The following RBPMS2 variants were observed in gnomAD, a reference collection of about 807,000 sequenced individuals.
RBPMS2 encodes the protein RNA-binding protein with multiple splicing 2.
Under a neutral mutation model 25.7 loss-of-function variants are expected in RBPMS2, and 14 were observed. That is an observed-to-expected ratio of 0.55 (90% CI 0.36 to 0.85). RBPMS2 has a LOEUF of 0.85. RBPMS2 is among the 40% of genes least tolerant of loss of function. The pLI, the probability that RBPMS2 is intolerant of heterozygous loss-of-function variation, is 0.01. For synonymous variants in RBPMS2, 127 were observed against 115.6 expected, an observed-to-expected ratio of 1.10 and a Z score of -0.63; for missense variants, 252 against 283.4, an observed-to-expected ratio of 0.89 and a Z score of 0.80.
rs2083548453 is a variant in RBPMS2 at position 64,740,351 on chromosome 15, G to C, written c.*657C>G. On this transcript the variant is annotated 3_prime_UTR_variant, in exon 8 of 8. Transcript: ENST00000300069. ...GCGCTGTGGAGAGGTGAACAGAACG[G>C]GCAGAGAGGGCTTTCTTACGACTGT... 6.6e-6 allele frequency: 1 copy of C among 152,230 alleles called. No individual in the cohort carries two copies. The highest frequency in any genetic ancestry group is 2.4e-5 in the African/African-American group (1 of 41,428). The allele number at this position is 152,230 out of a possible 1,614,324, so 9.4% of individuals were successfully genotyped here. A position where few individuals can be genotyped will look rare whatever the true frequency, so the allele number is the denominator to read the frequency against.
At chr15:64,749,713 G>C (rs968232961) in intron 3 of RBPMS2, among the ~76,000 whole-genome samples, 4 of 152,106 alleles carry the variant, frequency 2.6e-5, no homozygotes, top group Non-Finnish European at 5.9e-5. Flanking sequence ...TCCCTCCCCA[G>C]GAATATCCTG....
intron 1 of RBPMS2, among the ~76,000 whole-genome samples, chr15:64,771,258 A>G (rs1321878629): frequency 6.6e-6 from 1 of 152,236 alleles, no homozygotes; most frequent in Non-Finnish European, 1.5e-5. Context: ...GGTTTTTAAA[A>G]ATTACTATAA....
Position 64,748,403 on chromosome 15 carries a change from A to T in RBPMS2, c.567+16T>A. ...GAGCCCTTGTTCTTCGCCCTCCCCA[A>T]CCTTAAAGGGCTTACCTGAGCGTGG... On this transcript the variant is annotated intron_variant, in intron 6 of 7. Transcript: ENST00000300069. 1.9e-6 allele frequency: 3 copies of T among 1,612,648 alleles called. No homozygotes were observed. Among genetic ancestry groups the T allele is most frequent in the Non-Finnish European group, 2.5e-6 (3 of 1,179,438 alleles).
intron 6 of RBPMS2, among the ~76,000 whole-genome samples, chr15:64,746,285 G>A (rs72744729): frequency 0.048 from 7,325 of 152,080 alleles, 226 homozygotes; most frequent in South Asian, 0.088. Flanking sequence ...CCCAGTCCCC[G>A]TCCAAGGAAG....
At position 64,774,881 on chromosome 15, in the gene RBPMS2, A is replaced by C. The variant is rs893748969; in HGVS notation, c.87+352T>G. On this transcript the variant is annotated intron_variant, in intron 1 of 7. Transcript: ENST00000300069. ...TGGCCACGCAGGAGGTGCGCCTCGG[A>C]GGAGGGCGGCGAGCGGCTACGGGGT... 4.6e-5 allele frequency among the ~76,000 whole-genome samples: 7 copies of C among 151,444 alleles called. No individual in the cohort carries two copies. The East Asian group carries it at 1.4e-3, about 30-fold the overall frequency.
At chr15:64,741,342 C>A in intron 6 of RBPMS2, 100 bp from the exon 7 acceptor site, 1 of 904,172 alleles carries the variant, frequency 1.1e-6, no homozygotes, top group South Asian at 1.5e-5. Flanking sequence ...AGTCCTGGTT[C>A]TGTCACTGAT....
In RBPMS2 at chr15:64,749,158, G is replaced by C. The variant is rs773822174; in HGVS notation, c.268-8C>G. On this transcript the variant is annotated splice_region_variant and splice_polypyrimidine_tract_variant and intron_variant, in intron 4 of 7. Coordinates refer to ENST00000300069, the MANE Select transcript of RBPMS2 (RefSeq NM_194272.3). Reference sequence around the variant, plus strand: ...GGGATCAAAGCGAATACCCTACATGGGTAGAGAAAAGAAGAGAAAGGCTTA... The same window carrying C: ...GGGATCAAAGCGAATACCCTACATGCGTAGAGAAAAGAAGAGAAAGGCTTA... 1.3e-4 allele frequency: 210 copies of C among 1,613,888 alleles called. No homozygotes were observed. Among genetic ancestry groups the C allele is most frequent in the Non-Finnish European group, 1.8e-4 (208 of 1,179,938 alleles).
At chr15:64,744,390 C>T (rs1344932848) in intron 6 of RBPMS2, among the ~76,000 whole-genome samples, 1 of 151,636 alleles carries the variant, frequency 6.6e-6, no homozygotes, top group Non-Finnish European at 1.5e-5. Flanking sequence ...GAAACCCCAT[C>T]TCTACTAAAA....
chr15:64,751,958 CTTTT>C (rs773385963), intron 1 of RBPMS2, among the ~76,000 whole-genome samples: 7 of 144,090 alleles, frequency 4.9e-5, no homozygotes, highest in East Asian at 2.0e-4. Flanking sequence ...CCCAGCATGC[CTTTT>C]TTTTTTTCTT....
At chr15:64,752,428 A>G (rs2141062483) in intron 1 of RBPMS2, among the ~76,000 whole-genome samples, 1 of 152,224 alleles carries the variant, frequency 6.6e-6, no homozygotes, top group Non-Finnish European at 1.5e-5. Flanking sequence ...TCCTGCTCCT[A>G]CACGAGATGT....
chr15:64,752,193 C>A (rs1419796080), intron 1 of RBPMS2, among the ~76,000 whole-genome samples: 1 of 151,986 alleles, frequency 6.6e-6, no homozygotes, highest in African/African-American at 2.4e-5. Context: ...CAGTGCCTGA[C>A]CCCCCAAAAA....
chr15:64,744,972 G>A (rs1348350711), intron 6 of RBPMS2, among the ~76,000 whole-genome samples: 1 of 151,472 alleles, frequency 6.6e-6, no homozygotes, highest in Non-Finnish European at 1.5e-5. Context: ...CCGCCACCAC[G>A]CCCAGCTAAT....
intron 1 of RBPMS2, among the ~76,000 whole-genome samples, chr15:64,761,963 G>A (rs937304366): frequency 6.6e-6 from 1 of 151,972 alleles, no homozygotes; most frequent in Non-Finnish European, 1.5e-5. Flanking sequence ...ATCCGCCTCA[G>A]CATCCCAAAG....
chr15:64,750,523 C>T (rs897166051), intron 2 of RBPMS2, 142 bp from the exon 3 acceptor site: 12 of 751,030 alleles, frequency 1.6e-5, no homozygotes, highest in African/African-American at 1.5e-4. Flanking sequence ...CCCTGACCTC[C>T]GCCACTGCCA....
Position 64,775,372 on chromosome 15 carries a change from C to A in RBPMS2, c.-53G>T. On this transcript the variant is annotated 5_prime_UTR_variant, in exon 1 of 8. Coordinates refer to ENST00000300069, the MANE Select transcript of RBPMS2 (RefSeq NM_194272.3). ...AACGCGAGGGCGAGCGCGGCGCCGG[C>A]CCCGCGGGAAGTGGGAAGGGGCGCG... The A allele has an allele frequency of 8.9e-7, 1 of 1,121,916 alleles. No homozygotes were observed. The highest frequency in any genetic ancestry group is 1.1e-6 in the Non-Finnish European group (1 of 888,940). The allele number at this position is 1,121,916 out of a possible 1,614,324, so 69.5% of individuals were successfully genotyped here.
chr15:64,767,814 C>T (rs1595795656), intron 1 of RBPMS2, among the ~76,000 whole-genome samples: 2 of 152,328 alleles, frequency 1.3e-5, no homozygotes, highest in Admixed American at 1.3e-4. Context: ...GGACTACAGG[C>T]ATGCACCATC....
At chr15:64,767,912 C>T (rs1477817570) in intron 1 of RBPMS2, among the ~76,000 whole-genome samples, 5 of 152,196 alleles carry the variant, frequency 3.3e-5, no homozygotes, top group Non-Finnish European at 7.3e-5. Flanking sequence ...AAGTGATCCT[C>T]CTGCCTTGGC....
chr15:64,741,338 G>C lies in RBPMS2; in HGVS notation c.568-96C>G, dbSNP rs1030023304. ...CCATCGGTGTCCCCGCTGGAGTCCT[G>C]GTTCTGTCACTGATTGGCTGGCACA... On this transcript the variant is annotated intron_variant, in intron 6 of 7. Coordinates refer to ENST00000300069, the MANE Select transcript of RBPMS2 (RefSeq NM_194272.3). 1.3e-5 allele frequency: 12 copies of C among 946,396 alleles called. No individual in the cohort carries two copies. The Admixed American group carries it at 2.6e-4, about 20-fold the overall frequency. The allele number at this position is 946,396 out of a possible 1,614,324, so 58.6% of individuals were successfully genotyped here. A position where few individuals can be genotyped will look rare whatever the true frequency, so the allele number is the denominator to read the frequency against.
At position 64,775,272 on chromosome 15, in the gene RBPMS2, G is replaced by A. The variant is rs1213146316; in HGVS notation, c.48C>T (p.Thr16=). Residue 16 remains threonine, a synonymous_variant, in exon 1 of 8, where the codon ACC becomes ACT. Coordinates refer to ENST00000300069, the MANE Select transcript of RBPMS2 (RefSeq NM_194272.3). ...PDGEHGGSTG[T]GSGAGSGGAL... ...CGCCGCCGGAGCCCGCGCCGGAGCC[G>A]GTGCCGGTGCTGCCGCCGTGCTCGC... 2 of 1,344,942 alleles carry A rather than the reference G, an allele frequency of 1.5e-6. No individual in the cohort carries two copies. Among genetic ancestry groups the A allele is most frequent in the Non-Finnish European group, 1.9e-6 (2 of 1,041,568 alleles). The allele number at this position is 1,344,942 out of a possible 1,614,324, so 83.3% of individuals were successfully genotyped here.
Sources: allele counts gnomAD v4.1 joint callset (sites outside exome capture counted in the v4.1 genomes callset), GRCh38; gene constraint gnomAD v4.1.1; transcripts MANE v1.5; gene names NCBI Gene and HGNC (gene_info 2026-07-23, HGNC 2026-07-21).